The following DNAH12 variants were observed in gnomAD, a reference collection of about 807,000 sequenced individuals.
DNAH12 encodes axonemal beta dynein heavy chain 12.
DNAH12 carries 285 observed loss-of-function variants against 371.5 expected under a neutral mutation model. The observed-to-expected ratio is 0.77, with a 90% CI of 0.70 to 0.85. The LOEUF is 0.85. Among genes scored for constraint, DNAH12 ranks in the 40% least tolerant of loss-of-function variants. The probability of loss-of-function intolerance (pLI) is 0.00; values close to 1 mark genes in which losing one functional copy is unlikely to be tolerated. For synonymous variants in DNAH12, 1,200 were observed against 1,213.0 expected (o/e 0.99, Z 0.22); for missense variants, 3,611 against 3,689.4 (o/e 0.98, Z 0.55).
chr3:57,469,086 G>A (rs78571536), intron 16 of DNAH12, 107 bp from the exon 17 acceptor site: 30,110 of 1,077,952 alleles, frequency 0.028, 512 homozygotes, highest in Middle Eastern at 0.033. Context: ...AAAAATGAGG[G>A]CAAGAGCTGT....
intron 55 of DNAH12, among the ~76,000 whole-genome samples, chr3:57,371,815 A>G (rs1165267746): frequency 2.0e-5 from 3 of 151,768 alleles, no homozygotes; most frequent in African/African-American, 7.3e-5. Flanking sequence ...TAAGACTTAG[A>G]GTAGACTTCT....
At chr3:57,381,236 G>GGTGTGT (rs1335752008) in intron 50 of DNAH12, among the ~76,000 whole-genome samples, 3,493 of 149,334 alleles carry the variant, frequency 0.023, 60 homozygotes, top group Admixed American at 0.035. Context: ...CTGATAGGGA[G>GGTGTGT]GTGTGTGTGT....
intron 25 of DNAH12, 102 bp from the exon 26 acceptor site, chr3:57,446,791 G>A (rs918349228): frequency 2.4e-5 from 28 of 1,159,330 alleles, no homozygotes; most frequent in African/African-American, 9.3e-5. Context: ...TAGCTTCAGA[G>A]AAGCCATTAT....
At chr3:57,516,824 A>C in intron 4 of DNAH12, among the ~76,000 whole-genome samples, 1 of 152,268 alleles carries the variant, frequency 6.6e-6, no homozygotes, top group Non-Finnish European at 1.5e-5. Flanking sequence ...AAGTAAATCA[A>C]GTTATGTTAT....
chr3:57,375,540 A>G lies in DNAH12; in HGVS notation c.8614-24T>C, dbSNP rs2153339054. The stretch of plus-strand genomic sequence containing the variant: ...TTCTGTAAGAAATAAACAAAAATCT[A>G]TTTTCCTTCACCTTGTTAACTGAAA... On this transcript the variant is annotated intron_variant, in intron 54 of 73. Coordinates refer to ENST00000495027, the MANE Select transcript of DNAH12 (RefSeq NM_001366028.2). 4 of 152,274 alleles carry G rather than the reference A, an allele frequency of 2.6e-5. 1 individual carries two copies. In the South Asian group the frequency reaches 8.3e-4, roughly 32 times the overall value. The allele number at this position is 152,274 out of a possible 1,614,324, so 9.4% of individuals were successfully genotyped here.
intron 10 of DNAH12, among the ~76,000 whole-genome samples, chr3:57,501,898 T>C (rs1008114123): frequency 5.1e-5 from 7 of 137,622 alleles, no homozygotes; most frequent in African/African-American, 1.3e-4. Flanking sequence ...ACAAAATGTA[T>C]TGGGTTTGAT....
chr3:57,328,270 T>C (rs1181618217), intron 62 of DNAH12, among the ~76,000 whole-genome samples: 6 of 150,968 alleles, frequency 4.0e-5, no homozygotes, highest in Non-Finnish European at 8.9e-5. Flanking sequence ...AAAGAGAATT[T>C]AGACCAATAT....
chr3:57,297,433 G>A lies in DNAH12; in HGVS notation c.11395-449C>T, dbSNP rs145541800. The A allele has an allele frequency of 5.9e-3, 924 of 156,510 alleles. 8 individuals are homozygous for A. Among genetic ancestry groups the A allele is most frequent in the Non-Finnish European group, 9.4e-3 (677 of 72,002 alleles). 9.7% of individuals were successfully genotyped at this position (156,510 alleles called of 1,614,324 possible). On this transcript the variant is annotated intron_variant, in intron 70 of 73. Transcript: ENST00000495027. ...TGCAGTGGCATGATCTTAGCTCACT[G>A]CAGCCTCTGCCTCCTGGGTTCGAGT...
At chr3:57,436,830 G>A (rs1444646206) in intron 30 of DNAH12, 121 bp downstream of exon 30, 1 of 619,902 alleles carries the variant, frequency 1.6e-6, no homozygotes, top group Non-Finnish European at 2.6e-6. Flanking sequence ...GGGCCAGGGG[G>A]CGGGCGGGGG....
At chr3:57,483,779 C>G (rs1414180624) in intron 12 of DNAH12, among the ~76,000 whole-genome samples, 2 of 143,960 alleles carry the variant, frequency 1.4e-5, no homozygotes, top group Admixed American at 1.4e-4. Context: ...AACCCTGTCT[C>G]TACAAAAAAA....
At chr3:57,417,838 A>G (rs1000179477) in intron 37 of DNAH12, among the ~76,000 whole-genome samples, 1 of 152,146 alleles carries the variant, frequency 6.6e-6, no homozygotes, top group Non-Finnish European at 1.5e-5. Flanking sequence ...ATATTTTCAT[A>G]AATGTATTTC....
rs922427166 is a variant in DNAH12 at position 57,301,751 on chromosome 3, C to T, written c.11378G>A (p.Arg3793Gln). Residue 3793 changes from arginine to glutamine, a missense_variant, in exon 70 of 74, where the codon CGG becomes CAG. Arg to Gln is a conservative substitution (Grantham distance 43). This residue lies in a region of DNAH12 where 2,266 missense variants were observed against 2,236.9 expected (regional missense o/e 1.01). Coordinates refer to ENST00000495027, the MANE Select transcript of DNAH12 (RefSeq NM_001366028.2). ...ACATTTTACCTGTAAAAAGTTCAAC[C>T]GGGCTAGGAAATCTGTGATGTAACT... ...LGSYITDFLA[R>Q]LNFLQDWYNS... is the part of the protein sequence containing the mutation. The T allele has an allele frequency of 7.1e-6, 11 of 1,548,746 alleles. No individual in the cohort carries two copies. Among genetic ancestry groups the T allele is most frequent in the East Asian group, 4.9e-5 (2 of 40,716 alleles).
chr3:57,324,787 C>T (rs368991992), intron 62 of DNAH12, among the ~76,000 whole-genome samples: 108 of 152,340 alleles, frequency 7.1e-4, no homozygotes, highest in Non-Finnish European at 1.1e-3. Context: ...ACTCGGGAAG[C>T]GCAAGGGGTC....
At chr3:57,399,388 A>G (rs1420109860) in intron 43 of DNAH12, among the ~76,000 whole-genome samples, 1 of 151,610 alleles carries the variant, frequency 6.6e-6, no homozygotes, top group East Asian at 1.9e-4. Flanking sequence ...GAGTGGCCAA[A>G]TGGATTAAAA....
chr3:57,332,269 G>A, intron 62 of DNAH12, among the ~76,000 whole-genome samples: 1 of 152,154 alleles, frequency 6.6e-6, no homozygotes, highest in East Asian at 1.9e-4. Flanking sequence ...ATTGGTGTCA[G>A]CCTACTTATC....
chr3:57,415,307 A>G, intron 38 of DNAH12, 119 bp downstream of exon 38: 1 of 1,349,698 alleles, frequency 7.4e-7, no homozygotes, highest in African/African-American at 1.5e-5. Context: ...CTCCCCAAAC[A>G]TTTGAAAGTT....
intron 62 of DNAH12, among the ~76,000 whole-genome samples, chr3:57,325,642 G>T (rs577020598): frequency 2.0e-5 from 3 of 152,224 alleles, no homozygotes; most frequent in Non-Finnish European, 4.4e-5. Context: ...AGAAAAACTG[G>T]AAACTCTAAA....
At chr3:57,541,530 T>G (rs1024201184) in intron 2 of DNAH12, among the ~76,000 whole-genome samples, 1 of 151,578 alleles carries the variant, frequency 6.6e-6, no homozygotes, top group Non-Finnish European at 1.5e-5. Flanking sequence ...CACACCTGGC[T>G]AATTTTTTTT....
chr3:57,523,386 C>CA (rs796133481), intron 4 of DNAH12, among the ~76,000 whole-genome samples, 197 bp downstream of exon 4: 31 of 151,862 alleles, frequency 2.0e-4, no homozygotes, highest in African/African-American at 6.8e-4. Context: ...TTGTTTAAAA[C>CA]AAAAAAACAA....
Sources: allele counts gnomAD v4.1 joint callset (sites outside exome capture counted in the v4.1 genomes callset), GRCh38; gene constraint gnomAD v4.1.1; regional missense constraint gnomAD v4.1.1; transcripts MANE v1.5; gene names NCBI Gene and HGNC (gene_info 2026-07-23, HGNC 2026-07-21).